RCC2: variants seen among roughly 807,000 people sequenced by gnomAD.
The protein encoded by RCC2 is regulator of chromosome condensation 2.
A neutral mutation model predicts 64.1 loss-of-function variants in RCC2; 19 were observed. That is an observed-to-expected ratio of 0.30 (90% CI 0.21 to 0.44). The LOEUF is 0.44. RCC2 is among the 20% of genes least tolerant of loss of function. The pLI is 1.00. For missense variants in RCC2, 508 were observed against 710.4 expected (o/e 0.72, Z 3.24); for synonymous variants, 325 against 279.6 (o/e 1.16, Z -1.62).
At chr1:17,419,231 C>T (rs1042505691) in intron 7 of RCC2, among the ~76,000 whole-genome samples, 4 of 152,086 alleles carry the variant, frequency 2.6e-5, no homozygotes, top group African/African-American at 9.7e-5. Context: ...TGGCAGCGGG[C>T]GCCTGTAGTC....
chr1:17,408,914 A>G lies in RCC2; in HGVS notation c.*176T>C, dbSNP rs1297701330. ...AAAAGGACTTTGGAAAGCATACAGA[A>G]AAAAAGGTAGTTAACGTTGGATCAT... On this transcript the variant is annotated 3_prime_UTR_variant, in exon 13 of 13. Coordinates refer to ENST00000375436, the MANE Select transcript of RCC2 (RefSeq NM_018715.4). 1.8e-6 allele frequency: 1 copy of G among 562,006 alleles called. No individual in the cohort carries two copies. The highest frequency in any genetic ancestry group is 3.2e-6 in the Non-Finnish European group (1 of 311,674). 34.8% of individuals were successfully genotyped at this position (562,006 alleles called of 1,614,324 possible).
chr1:17,420,244 A>T (rs2075541159), intron 7 of RCC2, among the ~76,000 whole-genome samples: 1 of 152,222 alleles, frequency 6.6e-6, no homozygotes, highest in Non-Finnish European at 1.5e-5. Flanking sequence ...GTTTCTGGAC[A>T]ACTAGATTCT....
At chr1:17,412,038 G>T in intron 11 of RCC2, 84 bp downstream of exon 11, 1 of 1,193,340 alleles carries the variant, frequency 8.4e-7, no homozygotes, top group Non-Finnish European at 1.2e-6. Context: ...TGTGTGTTTT[G>T]GGAGACAGGT....
chr1:17,427,667 G>T (rs891176524), intron 3 of RCC2, among the ~76,000 whole-genome samples: 8 of 152,110 alleles, frequency 5.3e-5, no homozygotes, highest in African/African-American at 1.7e-4. Context: ...TGCCACACTT[G>T]AACTTGCTTG....
At chr1:17,415,615 C>G (rs1470611376) in intron 8 of RCC2, among the ~76,000 whole-genome samples, 1 of 151,612 alleles carries the variant, frequency 6.6e-6, no homozygotes, top group Non-Finnish European at 1.5e-5. Flanking sequence ...GAGGCTGAGG[C>G]AGGAGAATAG....
At chr1:17,412,023 T>C (rs1557620625) in intron 11 of RCC2, 99 bp downstream of exon 11, 1 of 1,049,158 alleles carries the variant, frequency 9.5e-7, no homozygotes, top group Non-Finnish European at 1.5e-6. Flanking sequence ...CAAATGTTTT[T>C]CTTCTGTGTG....
At chr1:17,435,434 G>A (rs980102993) in intron 2 of RCC2, among the ~76,000 whole-genome samples, 1 of 152,208 alleles carries the variant, frequency 6.6e-6, no homozygotes, top group African/African-American at 2.4e-5. Flanking sequence ...CAGTAAAAAA[G>A]GTTCTTTCTG....
intron 2 of RCC2, 36 bp from the exon 3 acceptor site, chr1:17,429,235 G>GT (rs2075649319): frequency 1.3e-6 from 2 of 1,531,930 alleles, no homozygotes; most frequent in Non-Finnish European, 9.0e-7. Context: ...GAATTAGTGT[G>GT]TAAGTCTGCA....
chr1:17,438,647 G>T, intron 1 of RCC2, 125 bp from the exon 2 acceptor site: 1 of 1,011,364 alleles, frequency 9.9e-7, no homozygotes, highest in Non-Finnish European at 1.3e-6. Context: ...GGCGGCCGCA[G>T]GGTGGGCGGA....
intron 2 of RCC2, among the ~76,000 whole-genome samples, chr1:17,430,404 T>C (rs1043948326): frequency 6.6e-6 from 1 of 151,604 alleles, no homozygotes; most frequent in Non-Finnish European, 1.5e-5. Context: ...GGTGGGAGGA[T>C]TGCTTGAGCT....
chr1:17,427,608 ACCC>A, intron 3 of RCC2, among the ~76,000 whole-genome samples: 1 of 152,172 alleles, frequency 6.6e-6, no homozygotes, highest in African/African-American at 2.4e-5. Context: ...TATCATCACG[ACCC>A]TGTGCCGCAA....
intron 2 of RCC2, among the ~76,000 whole-genome samples, chr1:17,436,445 T>C (rs980266076): frequency 1.3e-5 from 2 of 151,980 alleles, no homozygotes; most frequent in African/African-American, 2.4e-5. Flanking sequence ...GAGGCGGAGG[T>C]TGCAGTGAGC....
In RCC2 at chr1:17,430,512, GCA is replaced by G. The variant is rs1432209296; in HGVS notation, c.286-1315_286-1314del. ...TCAAAAAAAAAAAAAAGGGGGCCAG[GCA>G]CAGTGGCTCACGCCTGTAATCCCAG... On this transcript the variant is annotated intron_variant, in intron 2 of 12. Coordinates refer to ENST00000375436, the MANE Select transcript of RCC2 (RefSeq NM_018715.4). 2.6e-5 allele frequency among the ~76,000 whole-genome samples: 4 copies of G among 151,606 alleles called. 1 individual carries two copies. In the South Asian group the frequency reaches 8.4e-4, roughly 32 times the overall value.
chr1:17,431,359 A>AATATATATAT lies in RCC2; in HGVS notation c.286-2170_286-2161dup, dbSNP rs71014951. ...AAAAAAAAAAAAAAAAAAAAAAAAA[A>AATATATATAT]ATATATATATATATATATATATGTG... On this transcript the variant is annotated intron_variant, in intron 2 of 12. Transcript: ENST00000375436. Among the ~76,000 whole-genome samples the AATATATATAT allele has an allele frequency of 4.5e-3, 200 of 44,904 alleles. 9 individuals carry two copies. Among genetic ancestry groups the AATATATATAT allele is most frequent in the African/African-American group, 0.019 (179 of 9,412 alleles). 29.5% of individuals were successfully genotyped at this position (44,904 alleles called of 152,430 possible).
intron 3 of RCC2, among the ~76,000 whole-genome samples, chr1:17,427,835 G>C (rs1174123885): frequency 2.6e-5 from 4 of 152,134 alleles, no homozygotes; most frequent in Non-Finnish European, 4.4e-5. Context: ...GCAGGGGTGG[G>C]GGAGGGGGAG....
At chr1:17,418,695 T>C (rs899264732) in intron 7 of RCC2, among the ~76,000 whole-genome samples, 3 of 152,058 alleles carry the variant, frequency 2.0e-5, no homozygotes, top group African/African-American at 7.2e-5. Flanking sequence ...CACTAAGAAA[T>C]TCCCCCACCT....
At chr1:17,428,973 G>A in intron 3 of RCC2, 133 bp downstream of exon 3, 1 of 708,938 alleles carries the variant, frequency 1.4e-6, no homozygotes, top group East Asian at 2.6e-5. Context: ...CAGTGGCTGT[G>A]TGGCCTCAGG....
At position 17,416,437 on chromosome 1, in the gene RCC2, A is replaced by G. The variant is rs200448377; in HGVS notation, c.1026+43T>C. ...AAACTTGAGCATAAACACCCCTTCC[A>G]TCCTGGTGCGACTCTCAGGAAGTGA... is the stretch of plus-strand genomic sequence containing the variant. On this transcript the variant is annotated intron_variant, in intron 8 of 12. Coordinates refer to ENST00000375436, the MANE Select transcript of RCC2 (RefSeq NM_018715.4). 2,882 of 1,576,466 alleles carry G rather than the reference A, an allele frequency of 1.8e-3. 3 individuals are homozygous for G. Among genetic ancestry groups the G allele is most frequent in the Non-Finnish European group, 2.3e-3 (2,658 of 1,157,392 alleles).
chr1:17,422,893 CAGG>C lies in RCC2; in HGVS notation c.524-60_524-58del, dbSNP rs926759975. On this transcript the variant is annotated intron_variant, in intron 4 of 12. Coordinates refer to ENST00000375436, the MANE Select transcript of RCC2 (RefSeq NM_018715.4). ...GAGAGGGTGGTCCAGGCGGCACCAC[CAGG>C]AGAAGGCGAGTACAAACACACTCTC... The C allele has an allele frequency of 3.1e-6, 5 of 1,607,280 alleles. No individual in the cohort carries two copies. The African/African-American group carries it at 4.0e-5, about 13-fold the overall frequency.
Sources: gnomAD v4.1 joint callset for allele counts (sites outside exome capture counted in the v4.1 genomes callset) on GRCh38, gnomAD v4.1.1 for gene constraint, MANE v1.5 for transcripts, NCBI Gene and HGNC (gene_info 2026-07-23, HGNC 2026-07-21) for gene names.